ITSN1: variants seen among roughly 807,000 people sequenced by gnomAD.
ITSN1 encodes the protein intersectin-1.
Under a neutral mutation model 239.8 loss-of-function variants are expected in ITSN1, and 58 were observed. That is an observed-to-expected ratio of 0.24 (90% CI 0.20 to 0.30). The LOEUF is 0.30. Among genes scored for constraint, ITSN1 ranks in the 10% least tolerant of loss-of-function variants. The pLI is 1.00. For missense variants in ITSN1, 1,558 were observed against 2,103.3 expected, an observed-to-expected ratio of 0.74 and a Z score of 5.07; for synonymous variants, 780 against 770.8, an observed-to-expected ratio of 1.01 and a Z score of -0.20.
At chr21:33,678,528 TC>T (rs2090734115) in intron 1 of ITSN1, among the ~76,000 whole-genome samples, 1 of 152,172 alleles carries the variant, frequency 6.6e-6, no homozygotes, top group Admixed American at 6.6e-5. Context: ...TTGGAACTGT[TC>T]CCACCCCACG....
intron 26 of ITSN1, among the ~76,000 whole-genome samples, chr21:33,828,021 C>T (rs1166581692): frequency 1.3e-5 from 2 of 152,158 alleles, no homozygotes; most frequent in African/African-American, 4.8e-5. Flanking sequence ...TACATTGGAC[C>T]ACCCCACCAA....
rs903142225 is a variant in ITSN1, at chr21:33,762,106, T to C, written c.788+120T>C. 3 of 761,038 alleles carry C rather than the reference T, an allele frequency of 3.9e-6. No homozygotes were observed. In the Admixed American group the frequency reaches 6.0e-5, roughly 15 times the overall value. The allele number at this position is 761,038 out of a possible 1,614,324, so 47.1% of individuals were successfully genotyped here. On this transcript the variant is annotated intron_variant, in intron 9 of 39. Coordinates refer to ENST00000381318, the MANE Select transcript of ITSN1 (RefSeq NM_003024.3). ...GGGAATATGTAGAATTTGCTTAATTTCAGTGAGTTGTAATGATTGCCTCTT... is the reference window on the plus strand; with the variant it reads ...GGGAATATGTAGAATTTGCTTAATTCCAGTGAGTTGTAATGATTGCCTCTT...
chr21:33,818,715 A>G (rs192130084), intron 23 of ITSN1, among the ~76,000 whole-genome samples: 192 of 152,352 alleles, frequency 1.3e-3, no homozygotes, highest in African/African-American at 4.4e-3. Flanking sequence ...GAAGGAATTC[A>G]GCTCTGAGAC....
At chr21:33,680,410 C>A (rs2090877444) in intron 1 of ITSN1, among the ~76,000 whole-genome samples, 1 of 151,488 alleles carries the variant, frequency 6.6e-6, no homozygotes, top group African/African-American at 2.4e-5. Flanking sequence ...CGGCTCACTG[C>A]AACTTCTGCC....
intron 1 of ITSN1, among the ~76,000 whole-genome samples, chr21:33,684,209 A>G (rs2091121794): frequency 6.6e-6 from 1 of 152,214 alleles, no homozygotes; most frequent in Non-Finnish European, 1.5e-5. Flanking sequence ...CTAATCTGCC[A>G]TGCATCTGCT....
Position 33,834,437 on chromosome 21 carries a change from G to A in ITSN1, c.3469+13G>A, listed in dbSNP as rs576333802. On this transcript the variant is annotated intron_variant, in intron 28 of 39. Transcript: ENST00000381318. ...GCATTAGCGGCAGGTAAGGAGTTTC[G>A]CATCTCTAACTGGAAGATGGTCTGC... 3 of 1,558,660 alleles carry A rather than the reference G, an allele frequency of 1.9e-6. No individual in the cohort carries two copies. The highest frequency in any genetic ancestry group is 1.7e-5 in the Admixed American group (1 of 57,870).
intron 37 of ITSN1, 80 bp downstream of exon 37, chr21:33,885,203 T>C (rs1985587193): frequency 8.0e-7 from 1 of 1,247,358 alleles, no homozygotes; most frequent in East Asian, 2.3e-5. Flanking sequence ...ATCCTCAGAA[T>C]AGAAGAATCC....
chr21:33,735,480 G>T, intron 5 of ITSN1: 2 of 357,514 alleles, frequency 5.6e-6, no homozygotes, highest in East Asian at 6.1e-5. Flanking sequence ...GCAGCTTCTG[G>T]GTTTTTTTTT....
At chr21:33,852,960 A>G (rs1357971413) in intron 29 of ITSN1, among the ~76,000 whole-genome samples, 1 of 152,100 alleles carries the variant, frequency 6.6e-6, no homozygotes, top group African/African-American at 2.4e-5. Flanking sequence ...GAGTTTTTAA[A>G]CTCACTTGTT....
chr21:33,809,364 A>C (rs2072722948), intron 20 of ITSN1, among the ~76,000 whole-genome samples: 1 of 152,226 alleles, frequency 6.6e-6, no homozygotes, highest in Admixed American at 6.5e-5. Flanking sequence ...GCAAGCAGGC[A>C]TCCCCTACTT....
At position 33,691,971 on chromosome 21, in the gene ITSN1, G is replaced by A. The variant is rs116362076; in HGVS notation, c.-32-26826G>A. Among the ~76,000 whole-genome samples the A allele has an allele frequency of 3.0e-3, 453 of 152,352 alleles. 3 individuals are homozygous for A. The highest frequency in any genetic ancestry group is 0.01 in the African/African-American group (425 of 41,576). On this transcript the variant is annotated intron_variant, in intron 1 of 39. Coordinates refer to ENST00000381318, the MANE Select transcript of ITSN1 (RefSeq NM_003024.3). ...GCACTGACCTAACAAGATTGTTGCC[G>A]AAGGCAGGCCTAGAATGTATACATC...
intron 4 of ITSN1, among the ~76,000 whole-genome samples, chr21:33,725,121 T>C (rs56012603): frequency 1.6e-5 from 2 of 125,446 alleles, no homozygotes; most frequent in East Asian, 4.8e-4. Context: ...AAAAAAAAAA[T>C]TTTTTTTTTT....
chr21:33,681,002 C>T lies in ITSN1; in HGVS notation c.-32-37795C>T, dbSNP rs75845135. Among the ~76,000 whole-genome samples the T allele has an allele frequency of 4.0e-4, 61 of 152,298 alleles. No homozygotes were observed. In the East Asian group the frequency reaches 0.012, roughly 29 times the overall value. ...CAAAACTTTGTTTCTCAGTTTAAGG[C>T]TCTTTGTGGGCTTCATGCCATGGTA... On this transcript the variant is annotated intron_variant, in intron 1 of 39. Transcript: ENST00000381318.
Position 33,772,181 on chromosome 21 carries a change from G to A in ITSN1, c.1163G>A (p.Arg388Gln), listed in dbSNP as rs200196886. 40 of 1,613,950 alleles carry A rather than the reference G, an allele frequency of 2.5e-5. No individual in the cohort carries two copies. The highest frequency in any genetic ancestry group is 1.3e-4 in the East Asian group (6 of 44,894). ...KEQERLAQLE[R>Q]AEQERKERER... is the part of the protein sequence containing the mutation. ...CAGGAGCGCCTGGCCCAGCTGGAGCGGGCGGAGCAGGAGAGGAAGGAGCGT... is the reference window on the plus strand; with the variant it reads ...CAGGAGCGCCTGGCCCAGCTGGAGCAGGCGGAGCAGGAGAGGAAGGAGCGT... The change falls in exon 12 of 40, where the codon CGG becomes CAG. Residue 388 changes from arginine (R) to glutamine (Q), a missense_variant. By Grantham distance (43) the Arg-to-Gln change is conservative. This residue lies in a region of ITSN1 where 982 missense variants were observed against 1,209.9 expected (regional missense o/e 0.81). Coordinates refer to ENST00000381318, the MANE Select transcript of ITSN1 (RefSeq NM_003024.3).
At chr21:33,857,269 T>G (rs1044253251) in intron 30 of ITSN1, among the ~76,000 whole-genome samples, 4 of 152,188 alleles carry the variant, frequency 2.6e-5, no homozygotes, top group Admixed American at 2.6e-4. Context: ...CTGGCTGCTG[T>G]CTCGAGTCAT....
At chr21:33,884,233 T>G (rs1341370368) in intron 36 of ITSN1, among the ~76,000 whole-genome samples, 1 of 151,464 alleles carries the variant, frequency 6.6e-6, no homozygotes. Flanking sequence ...TGTTGTTGTT[T>G]TATTAAGAAA....
chr21:33,719,383 G>T (rs563180333), intron 2 of ITSN1, among the ~76,000 whole-genome samples: 50 of 152,344 alleles, frequency 3.3e-4, no homozygotes, highest in Non-Finnish European at 5.4e-4. Flanking sequence ...GGAGGTTGCA[G>T]TGAGCCGAGG....
intron 22 of ITSN1, chr21:33,817,727 T>C: frequency 2.1e-6 from 2 of 934,884 alleles, no homozygotes; most frequent in Non-Finnish European, 2.8e-6. Flanking sequence ...TAAATGGTAA[T>C]TACAATGAAT....
intron 4 of ITSN1, among the ~76,000 whole-genome samples, chr21:33,728,890 CT>C (rs1175788195): frequency 6.6e-6 from 1 of 152,168 alleles, no homozygotes; most frequent in Non-Finnish European, 1.5e-5. Flanking sequence ...CCACTCCCCC[CT>C]GCCCCATAAT....
Sources: gnomAD v4.1 joint callset for allele counts (sites outside exome capture counted in the v4.1 genomes callset) on GRCh38, gnomAD v4.1.1 for gene constraint, gnomAD v4.1.1 regional missense constraint, MANE v1.5 for transcripts, NCBI Gene and HGNC (gene_info 2026-07-23, HGNC 2026-07-21) for gene names.